The following YBX1 variants were observed in gnomAD, a reference collection of about 807,000 sequenced individuals.
The protein encoded by YBX1 is Y-box-binding protein 1.
YBX1 carries 3 observed loss-of-function variants against 41.4 expected under a neutral mutation model. That is an observed-to-expected ratio of 0.07 (90% CI 0.03 to 0.19). YBX1 has a LOEUF of 0.19. YBX1 is among the 10% of genes least tolerant of loss of function. The pLI, the probability that YBX1 is intolerant of heterozygous loss-of-function variation, is 1.00. For missense variants in YBX1, 274 were observed against 462.8 expected (o/e 0.59, Z 3.74); for synonymous variants, 133 against 165.8 (o/e 0.80, Z 1.52).
At chr1:42,685,251 A>G (rs1570414669) in intron 2 of YBX1, among the ~76,000 whole-genome samples, 1 of 152,198 alleles carries the variant, frequency 6.6e-6, no homozygotes, top group African/African-American at 2.4e-5. Flanking sequence ...TCCATGAGAT[A>G]CTGTTCATTG....
chr1:42,693,392 A>G, intron 2 of YBX1, 98 bp from the exon 3 acceptor site: 1 of 1,402,758 alleles, frequency 7.1e-7, no homozygotes, highest in Non-Finnish European at 1.0e-6. Context: ...ATTTCCTGGT[A>G]CCTAATTGGC....
Position 42,682,645 on chromosome 1 carries a change from C to T in YBX1, c.80C>T (p.Pro27Leu), listed in dbSNP as rs989992511. 6.5e-6 allele frequency: 9 copies of T among 1,375,902 alleles called. No individual in the cohort carries two copies. Among genetic ancestry groups the T allele is most frequent in the Non-Finnish European group, 8.4e-6 (9 of 1,071,918 alleles). The allele number at this position is 1,375,902 out of a possible 1,614,324, so 85.2% of individuals were successfully genotyped here. A position where few individuals can be genotyped will look rare whatever the true frequency, so the allele number is the denominator to read the frequency against. Residue 27 changes from proline to leucine, a missense_variant, in exon 1 of 8, where the codon CCC becomes CTC. Transcript: ENST00000321358. ...APALSAADTK[P>L]GTTGSGAGSG... ...GCCCTCAGCGCCGCCGACACCAAGC[C>T]CGGCACTACGGGCAGCGGCGCAGGG...
At chr1:42,685,974 T>A (rs997729832) in intron 2 of YBX1, among the ~76,000 whole-genome samples, 1 of 152,246 alleles carries the variant, frequency 6.6e-6, no homozygotes, top group African/African-American at 2.4e-5. Flanking sequence ...TTAGACTGTG[T>A]AATCTAGAAA....
At chr1:42,698,219 G>A (rs1194398172) in intron 6 of YBX1, among the ~76,000 whole-genome samples, 1 of 152,202 alleles carries the variant, frequency 6.6e-6, no homozygotes, top group African/African-American at 2.4e-5. Context: ...AGGAACTAGG[G>A]AATCTAGTCG....
chr1:42,701,023 C>CT lies in YBX1; in HGVS notation c.*10dup. Reference sequence around the variant, plus strand: ...CAGGGCGGGGCTGAGTAAATGCCGGCTTACCATCTCTACCATCATCCGGGT... The same window carrying CT: ...CAGGGCGGGGCTGAGTAAATGCCGGCTTTACCATCTCTACCATCATCCGGGT... On this transcript the variant is annotated 3_prime_UTR_variant, in exon 7 of 8. Transcript: ENST00000321358. 2 of 1,613,730 alleles carry CT rather than the reference C, an allele frequency of 1.2e-6. No individual in the cohort carries two copies. The highest frequency in any genetic ancestry group is 8.5e-7 in the Non-Finnish European group (1 of 1,179,630).
chr1:42,700,773 C>G lies in YBX1; in HGVS notation c.741-8C>G, dbSNP rs774019726. ...TATCATTCTTAAGTTTGACACCGTT[C>G]ATTGCAGGGGCCCTCCTCGCCAAAG... On this transcript the variant is annotated splice_region_variant and splice_polypyrimidine_tract_variant and intron_variant, in intron 6 of 7. Transcript: ENST00000321358. The G allele has an allele frequency of 1.2e-6, 2 of 1,606,566 alleles. No homozygotes were observed. The highest frequency in any genetic ancestry group is 1.7e-5 in the Admixed American group (1 of 58,996).
In YBX1 at chr1:42,697,052, T is replaced by G. The variant is rs1013624485; in HGVS notation, c.657+108T>G. The G allele has an allele frequency of 5.0e-5, 73 of 1,448,224 alleles. No individual in the cohort carries two copies. The African/African-American group carries it at 8.9e-4, about 18-fold the overall frequency. 89.7% of individuals were successfully genotyped at this position (1,448,224 alleles called of 1,614,324 possible). Reference sequence around the variant, plus strand: ...GATTCCTAGTAAGAACCAAAAGGATTAATTTATAATGTAGTCACAATTACT... The same window carrying G: ...GATTCCTAGTAAGAACCAAAAGGATGAATTTATAATGTAGTCACAATTACT... On this transcript the variant is annotated intron_variant, in intron 5 of 7. Transcript: ENST00000321358.
At position 42,697,219 on chromosome 1, in the gene YBX1, G is replaced by A. The variant is rs1187314187; in HGVS notation, c.697G>A (p.Val233Met). Residue 233 changes from valine (V) to methionine (M), a missense_variant, in exon 6 of 8, where the codon GTG (valine) becomes ATG (methionine). This residue lies in a region of YBX1 where 187 missense variants were observed against 306.3 expected (regional missense o/e 0.61). Coordinates refer to ENST00000321358, the MANE Select transcript of YBX1 (RefSeq NM_004559.5). ...NQGAGEQGRPVRQNMYRGYRP... is the reference protein window; with the variant it reads ...NQGAGEQGRPMRQNMYRGYRP... ...GGGTGCAGGAGAACAAGGTAGACCA[G>A]TGAGGCAGAATATGTATCGGGGATA... The A allele has an allele frequency of 6.2e-7, 1 of 1,614,010 alleles. No individual in the cohort carries two copies. Among genetic ancestry groups the A allele is most frequent in the African/African-American group, 1.3e-5 (1 of 74,904 alleles).
At chr1:42,690,631 A>T (rs904599510) in intron 2 of YBX1, among the ~76,000 whole-genome samples, 2 of 152,218 alleles carry the variant, frequency 1.3e-5, no homozygotes, top group African/African-American at 4.8e-5. Context: ...GACTTTATCC[A>T]GCTTTGGAGT....
chr1:42,694,900 G>C (rs532098892), intron 3 of YBX1, among the ~76,000 whole-genome samples: 2 of 152,268 alleles, frequency 1.3e-5, no homozygotes, highest in East Asian at 1.9e-4. Flanking sequence ...CTTGTTGCCT[G>C]TTGGCAACCC....
rs113076905 is a variant in YBX1 at position 42,684,496 on chromosome 1, A to G, written c.230+1030A>G. 1.9e-3 allele frequency among the ~76,000 whole-genome samples: 284 copies of G among 152,330 alleles called. 1 individual carries two copies. Among genetic ancestry groups the G allele is most frequent in the African/African-American group, 6.6e-3 (274 of 41,566 alleles). On this transcript the variant is annotated intron_variant, in intron 2 of 7. Transcript: ENST00000321358. ...AAAGAACAATGTGGAATGGACAACA[A>G]ATGGGCAAAATCAAGCTTAAGGACA...
chr1:42,682,740 CGGACAG>C lies in YBX1; in HGVS notation c.166+14_166+19del, dbSNP rs1329354479. 1.6e-6 allele frequency: 2 copies of C among 1,220,116 alleles called. No individual in the cohort carries two copies. The highest frequency in any genetic ancestry group is 1.0e-6 in the Non-Finnish European group (1 of 981,948). 75.6% of individuals were successfully genotyped at this position (1,220,116 alleles called of 1,614,324 possible). On this transcript the variant is annotated intron_variant, in intron 1 of 7. Coordinates refer to ENST00000321358, the MANE Select transcript of YBX1 (RefSeq NM_004559.5). Reference sequence around the variant, plus strand: ...GGACAAGAAGGTCATCGGTGAGGACCGGACAGGGACGGGGGTGGGGCCCTCGGGCAG... The same window carrying C: ...GGACAAGAAGGTCATCGGTGAGGACCGGACGGGGGTGGGGCCCTCGGGCAG...
chr1:42,692,859 C>T (rs937933848), intron 2 of YBX1, among the ~76,000 whole-genome samples: 5 of 152,228 alleles, frequency 3.3e-5, no homozygotes, highest in African/African-American at 1.2e-4. Flanking sequence ...CTCATTTTGC[C>T]TCAAAAAGAG....
chr1:42,690,376 G>A (rs1355511848), intron 2 of YBX1, among the ~76,000 whole-genome samples: 1 of 151,278 alleles, frequency 6.6e-6, no homozygotes, highest in African/African-American at 2.4e-5. Context: ...TTTTCCCAAT[G>A]TAATAATACA....
At chr1:42,693,588 G>A (rs779919622) in intron 3 of YBX1, 65 bp downstream of exon 3, 22 of 1,560,702 alleles carry the variant, frequency 1.4e-5, no homozygotes, top group Non-Finnish European at 1.8e-5. Context: ...GGTTAGATAT[G>A]TTCTCAGCTT....
chr1:42,690,541 G>A (rs1156855336), intron 2 of YBX1, among the ~76,000 whole-genome samples: 1 of 152,008 alleles, frequency 6.6e-6, no homozygotes, highest in African/African-American at 2.4e-5. Flanking sequence ...AACAATGCAG[G>A]GCACTCCTGT....
intron 2 of YBX1, among the ~76,000 whole-genome samples, chr1:42,685,451 A>T (rs1650171257): frequency 6.6e-6 from 1 of 152,226 alleles, no homozygotes; most frequent in Admixed American, 6.5e-5. Flanking sequence ...AAGATGCTGT[A>T]AAATCTGACT....
In YBX1 at chr1:42,696,971, T is replaced by C. The variant is rs1219653152; in HGVS notation, c.657+27T>C. 6 of 1,536,576 alleles carry C rather than the reference T, an allele frequency of 3.9e-6. No individual in the cohort carries two copies. The highest frequency in any genetic ancestry group is 1.8e-4 in the Middle Eastern group (1 of 5,692). On this transcript the variant is annotated intron_variant, in intron 5 of 7. Transcript: ENST00000321358. The surrounding 1 kb of genome is among the most constrained non-coding windows in gnomAD (Gnocchi z 5.7). The stretch of plus-strand genomic sequence containing the variant: ...TAAGTTTCACCATCAACAACAGCAA[T>C]GTGATAAGTTCTGGTAGGACTGTTT...
rs1432805848 is a variant in YBX1, at chr1:42,702,240, G to C, written c.*291G>C. 6.6e-6 allele frequency: 1 copy of C among 152,576 alleles called. No individual in the cohort carries two copies. Among genetic ancestry groups the C allele is most frequent in the Non-Finnish European group, 1.5e-5 (1 of 68,032 alleles). 9.5% of individuals were successfully genotyped at this position (152,576 alleles called of 1,614,324 possible). On this transcript the variant is annotated 3_prime_UTR_variant, in exon 8 of 8. Coordinates refer to ENST00000321358, the MANE Select transcript of YBX1 (RefSeq NM_004559.5). ...TTTAAATTGTTTCATATCTGGTCAA[G>C]TTGAGATTTTTAAGAACTTCATTTT...
Sources: allele counts gnomAD v4.1 joint callset (sites outside exome capture counted in the v4.1 genomes callset), GRCh38; gene constraint gnomAD v4.1.1; regional missense constraint gnomAD v4.1.1; non-coding constraint Gnocchi (gnomAD v3.1); transcripts MANE v1.5; gene names NCBI Gene and HGNC (gene_info 2026-07-23, HGNC 2026-07-21).